Variants in CSRNP3 observed in about 807,000 individuals in gnomAD.
CSRNP3 encodes cysteine/serine-rich nuclear protein 3.
In CSRNP3, 12 loss-of-function variants were observed where a neutral mutation model predicts 48.0. The observed-to-expected ratio is 0.25, with a 90% CI of 0.16 to 0.41. The LOEUF is 0.41. CSRNP3 is among the 10% of genes least tolerant of loss of function. CSRNP3 has a pLI of 1.00. For synonymous variants in CSRNP3, 263 were observed against 269.7 expected, an observed-to-expected ratio of 0.98 and a Z score of 0.24; for missense variants, 580 against 724.4, an observed-to-expected ratio of 0.80 and a Z score of 2.29.
intron 5 of CSRNP3, among the ~76,000 whole-genome samples, chr2:165,661,138 A>T (rs981858659): frequency 2.0e-5 from 3 of 152,156 alleles, no homozygotes; most frequent in African/African-American, 4.8e-5. Flanking sequence ...CCCAAAACAT[A>T]GCTATTCAAA....
At chr2:165,531,626 C>T (rs557593024) in intron 3 of CSRNP3, among the ~76,000 whole-genome samples, 2 of 152,010 alleles carry the variant, frequency 1.3e-5, no homozygotes, top group African/African-American at 2.4e-5. Flanking sequence ...TGGTGTGACA[C>T]CCTAACATCA....
intron 4 of CSRNP3, among the ~76,000 whole-genome samples, chr2:165,652,112 G>A (rs1686920932): frequency 1.3e-5 from 2 of 152,196 alleles, no homozygotes; most frequent in Admixed American, 6.5e-5. Flanking sequence ...ACATAATGGT[G>A]TTCCCAAGAC....
At chr2:165,554,847 A>C (rs1685141657) in intron 3 of CSRNP3, among the ~76,000 whole-genome samples, 1 of 152,124 alleles carries the variant, frequency 6.6e-6, no homozygotes, top group South Asian at 2.1e-4. Flanking sequence ...AGTAAAAGTC[A>C]AAATTCTTAC....
intron 4 of CSRNP3, among the ~76,000 whole-genome samples, chr2:165,615,903 T>G (rs1461169758): frequency 6.7e-6 from 1 of 148,566 alleles, no homozygotes; most frequent in Admixed American, 6.7e-5. Flanking sequence ...TTTTTTTTTT[T>G]TTTTTTTTTT....
At chr2:165,566,449 G>A (rs1685298960) in intron 3 of CSRNP3, among the ~76,000 whole-genome samples, 1 of 151,310 alleles carries the variant, frequency 6.6e-6, no homozygotes, top group Admixed American at 6.6e-5. Flanking sequence ...CACAGTACCT[G>A]GGTTGGATTA....
intron 5 of CSRNP3, among the ~76,000 whole-genome samples, chr2:165,665,775 A>AAGAGAGAGAG (rs10645178): frequency 0.021 from 2,788 of 131,186 alleles, 53 homozygotes; most frequent in African/African-American, 0.053. Flanking sequence ...AAAAGAAAGA[A>AAGAGAGAGAG]AGAGAGAGAG....
intron 2 of CSRNP3, among the ~76,000 whole-genome samples, chr2:165,509,575 T>C (rs985403423): frequency 6.6e-5 from 10 of 152,192 alleles, no homozygotes; most frequent in African/African-American, 2.2e-4. Context: ...GACATGAACA[T>C]GAATTATTTA....
At chr2:165,508,241 C>T (rs771631526) in intron 2 of CSRNP3, among the ~76,000 whole-genome samples, 8 of 151,964 alleles carry the variant, frequency 5.3e-5, no homozygotes, top group Admixed American at 1.3e-4. Flanking sequence ...TCAATTCTAC[C>T]GGCAATTCTG....
chr2:165,499,413 A>T (rs1206524276), intron 2 of CSRNP3, among the ~76,000 whole-genome samples: 1 of 152,050 alleles, frequency 6.6e-6, no homozygotes, highest in African/African-American at 2.4e-5. Context: ...TGCTTAAAAG[A>T]AAAAAAGAGA....
chr2:165,625,631 C>CAA (rs142895753), intron 4 of CSRNP3, among the ~76,000 whole-genome samples: 1 of 145,126 alleles, frequency 6.9e-6, no homozygotes, highest in African/African-American at 2.6e-5. Context: ...GAGATTCTGT[C>CAA]AAAAAAAAAG....
chr2:165,532,273 C>A (rs1478815732), intron 3 of CSRNP3, among the ~76,000 whole-genome samples: 2 of 152,128 alleles, frequency 1.3e-5, no homozygotes, highest in African/African-American at 4.8e-5. Context: ...GAATTTTAGA[C>A]CAATATCCTT....
chr2:165,679,003 A>G lies in CSRNP3; in HGVS notation c.1008A>G (p.Leu336=), dbSNP rs1260658939. ...AVLHLQSAEE[L]DCQGEEEEEE... ...TGCACCTGCAGTCGGCTGAAGAATT[A>G]GATTGCCAAGGAGAGGAGGAGGAAG... The change falls in exon 7 of 7, where the codon TTA becomes TTG. Residue 336 remains leucine, a synonymous_variant. Coordinates refer to ENST00000651982, the MANE Select transcript of CSRNP3 (RefSeq NM_001172173.2). The G allele has an allele frequency of 2.5e-6, 4 of 1,613,960 alleles. No homozygotes were observed. The highest frequency in any genetic ancestry group is 3.4e-6 in the Non-Finnish European group (4 of 1,179,974).
chr2:165,536,206 C>T (rs976361732), intron 3 of CSRNP3, among the ~76,000 whole-genome samples: 7 of 151,938 alleles, frequency 4.6e-5, no homozygotes, highest in South Asian at 4.1e-4. Flanking sequence ...AATATAATAG[C>T]GTCTTATGTA....
chr2:165,562,183 G>A (rs12612499), intron 3 of CSRNP3, among the ~76,000 whole-genome samples: 1 of 152,130 alleles, frequency 6.6e-6, no homozygotes. Flanking sequence ...ACTCCAAAGA[G>A]ACTATGTTAG....
At chr2:165,571,286 T>G (rs1333930932) in intron 3 of CSRNP3, among the ~76,000 whole-genome samples, 3 of 151,998 alleles carry the variant, frequency 2.0e-5, no homozygotes, top group African/African-American at 7.2e-5. Flanking sequence ...TCATAAGATT[T>G]TCACTGAGAC....
Position 165,665,874 on chromosome 2 carries a change from AAGAG to A in CSRNP3, c.408+7861_408+7864del, listed in dbSNP as rs535707899. On this transcript the variant is annotated intron_variant, in intron 5 of 6. Coordinates refer to ENST00000651982, the MANE Select transcript of CSRNP3 (RefSeq NM_001172173.2). ...AAGGAAGGAAAGAGAGAGAGAAAGA[AAGAG>A]AGAGAGGAAGGAAGGAGGGAGGGAA... 5.1e-4 allele frequency among the ~76,000 whole-genome samples: 74 copies of A among 146,526 alleles called. 2 individuals are homozygous for A. In the South Asian group the frequency reaches 0.014, roughly 29 times the overall value.
chr2:165,553,623 A>G (rs754043493), intron 3 of CSRNP3, among the ~76,000 whole-genome samples: 1 of 152,104 alleles, frequency 6.6e-6, no homozygotes, highest in Non-Finnish European at 1.5e-5. Context: ...CATCTTCATG[A>G]TCTTGTTTCC....
At chr2:165,630,825 T>C (rs920980231) in intron 4 of CSRNP3, among the ~76,000 whole-genome samples, 2 of 152,234 alleles carry the variant, frequency 1.3e-5, no homozygotes, top group African/African-American at 4.8e-5. Context: ...GTTCTTTGAT[T>C]ATTCAGAGTT....
chr2:165,471,590 T>C (rs1683895169), intron 1 of CSRNP3, among the ~76,000 whole-genome samples: 1 of 152,060 alleles, frequency 6.6e-6, no homozygotes, highest in Non-Finnish European at 1.5e-5. Flanking sequence ...TTTGCTTTCT[T>C]TGGCTAAAAA....
Sources: gnomAD v4.1 joint callset for allele counts (sites outside exome capture counted in the v4.1 genomes callset) on GRCh38, gnomAD v4.1.1 for gene constraint, MANE v1.5 for transcripts, NCBI Gene and HGNC (gene_info 2026-07-23, HGNC 2026-07-21) for gene names.